Variants in SERGEF observed in about 807,000 individuals in gnomAD.
SERGEF encodes the protein secretion-regulating guanine nucleotide exchange factor.
Under a neutral mutation model 50.0 loss-of-function variants are expected in SERGEF, and 51 were observed. That is an observed-to-expected ratio of 1.02 (90% CI 0.81 to 1.29). SERGEF has a LOEUF of 1.29. Ranked by LOEUF, SERGEF falls within the 50% of genes most tolerant of loss-of-function variation. SERGEF has a pLI of 0.00. For missense variants in SERGEF, 521 were observed against 557.0 expected, an observed-to-expected ratio of 0.94 and a Z score of 0.65; for synonymous variants, 205 against 212.4, an observed-to-expected ratio of 0.97 and a Z score of 0.30.
At chr11:18,011,479 C>T (rs1189532751) in intron 1 of SERGEF, among the ~76,000 whole-genome samples, 1 of 152,192 alleles carries the variant, frequency 6.6e-6, no homozygotes, top group African/African-American at 2.4e-5. Context: ...ACCAAACCTA[C>T]TCACACCTTG....
chr11:17,944,169 C>T (rs751092483), intron 9 of SERGEF, among the ~76,000 whole-genome samples: 21 of 152,082 alleles, frequency 1.4e-4, no homozygotes, highest in Non-Finnish European at 2.5e-4. Flanking sequence ...CCTCATGATC[C>T]GCCCGCCTCG....
intron 10 of SERGEF, among the ~76,000 whole-genome samples, chr11:17,805,008 A>G (rs1318370523): frequency 6.6e-6 from 1 of 152,232 alleles, no homozygotes; most frequent in African/African-American, 2.4e-5. Context: ...TACTTTCATA[A>G]CAAAAAAAGT....
At chr11:17,900,719 C>T (rs917536031) in intron 9 of SERGEF, among the ~76,000 whole-genome samples, 47 of 152,254 alleles carry the variant, frequency 3.1e-4, no homozygotes, top group Non-Finnish European at 5.9e-5. Flanking sequence ...GTTATAACCA[C>T]CAGGTGCTCA....
intron 9 of SERGEF, among the ~76,000 whole-genome samples, chr11:17,897,601 C>T (rs990568618): frequency 6.6e-6 from 1 of 152,172 alleles, no homozygotes; most frequent in African/African-American, 2.4e-5. Flanking sequence ...ATCTCAAAAA[C>T]CACTGTGCCG....
intron 10 of SERGEF, among the ~76,000 whole-genome samples, chr11:17,796,859 T>C (rs748194121): frequency 3.3e-5 from 5 of 152,070 alleles, no homozygotes; most frequent in Non-Finnish European, 7.4e-5. Context: ...GTGGCCCACA[T>C]TGCTTCAGAG....
intron 4 of SERGEF, among the ~76,000 whole-genome samples, chr11:18,004,014 T>A (rs1854020818): frequency 6.6e-6 from 1 of 152,270 alleles, no homozygotes; most frequent in South Asian, 2.1e-4. Flanking sequence ...TAAATAGGGC[T>A]ACTAGAAAAT....
At chr11:18,000,696 C>CA in intron 4 of SERGEF, 139 bp from the exon 5 acceptor site, 1 of 724,056 alleles carries the variant, frequency 1.4e-6, no homozygotes, top group Non-Finnish European at 2.5e-6. Context: ...CCAATATTTC[C>CA]ACCCATTAAT....
intron 9 of SERGEF, among the ~76,000 whole-genome samples, chr11:17,948,890 AGT>A (rs1285129224): frequency 7.2e-5 from 11 of 152,244 alleles, no homozygotes; most frequent in Non-Finnish European, 1.5e-4. Flanking sequence ...AGTCTCCCTG[AGT>A]CTTGGATGAC....
intron 9 of SERGEF, among the ~76,000 whole-genome samples, chr11:17,909,341 T>C (rs1490079552): frequency 6.6e-6 from 1 of 152,232 alleles, no homozygotes; most frequent in East Asian, 1.9e-4. Context: ...CTCTTCTGTT[T>C]GAAGGAATCC....
intron 5 of SERGEF, among the ~76,000 whole-genome samples, chr11:17,996,673 C>CCTATAAACAGCAGTCCTTTTTAAGG: frequency 2.0e-5 from 3 of 152,148 alleles, no homozygotes; most frequent in Non-Finnish European, 4.4e-5. Flanking sequence ...TTGGGAGTAT[C>CCTATAAACAGCAGTCCTTTTTAAGG]CTATAAACAG....
At chr11:17,810,907 G>T (rs1849858291) in intron 10 of SERGEF, among the ~76,000 whole-genome samples, 1 of 152,138 alleles carries the variant, frequency 6.6e-6, no homozygotes. Context: ...TGAGAACAGA[G>T]ATGATACATT....
chr11:17,833,301 G>A (rs574394622), intron 10 of SERGEF, among the ~76,000 whole-genome samples: 9 of 152,336 alleles, frequency 5.9e-5, no homozygotes, highest in Admixed American at 4.6e-4. Context: ...CTTCCACATG[G>A]TGTTGAGCTT....
intron 9 of SERGEF, among the ~76,000 whole-genome samples, chr11:17,919,667 T>C (rs1852117430): frequency 6.6e-6 from 1 of 152,284 alleles, no homozygotes; most frequent in South Asian, 2.1e-4. Flanking sequence ...TTCTCCCCCA[T>C]ACTCACTCCA....
chr11:17,806,993 G>A (rs112648596), intron 10 of SERGEF, among the ~76,000 whole-genome samples: 16 of 151,942 alleles, frequency 1.1e-4, no homozygotes, highest in East Asian at 5.8e-4. Flanking sequence ...TTCTGATGCC[G>A]CATCTCTCCC....
At chr11:17,998,523 T>A (rs1265671554) in intron 5 of SERGEF, among the ~76,000 whole-genome samples, 1 of 21,138 alleles carries the variant, frequency 4.7e-5, no homozygotes, top group Non-Finnish European at 1.3e-4. Context: ...TATATATATG[T>A]TTATATGTGT....
At chr11:17,995,409 G>A (rs1030938143) in intron 6 of SERGEF, among the ~76,000 whole-genome samples, 3 of 152,188 alleles carry the variant, frequency 2.0e-5, no homozygotes, top group Non-Finnish European at 4.4e-5. Context: ...AAGTTTAGTA[G>A]GGCCAACTCT....
chr11:17,979,693 C>A (rs189575466), intron 8 of SERGEF, among the ~76,000 whole-genome samples: 1 of 152,314 alleles, frequency 6.6e-6, no homozygotes, highest in East Asian at 1.9e-4. Flanking sequence ...ATACCCTTGG[C>A]TCTGTCTGCA....
At chr11:17,998,429 A>T (rs1853882441) in intron 5 of SERGEF, among the ~76,000 whole-genome samples, 2 of 12,708 alleles carry the variant, frequency 1.6e-4, no homozygotes, top group Admixed American at 1.1e-3. Flanking sequence ...AAATACATAC[A>T]TACATACATA....
intron 10 of SERGEF, among the ~76,000 whole-genome samples, chr11:17,834,622 T>C (rs1468911631): frequency 6.6e-6 from 1 of 152,212 alleles, no homozygotes; most frequent in African/African-American, 2.4e-5. Flanking sequence ...CCTAACCTTT[T>C]CTAAGCCTGT....
Sources: gnomAD v4.1 joint callset for allele counts (sites outside exome capture counted in the v4.1 genomes callset) on GRCh38, gnomAD v4.1.1 for gene constraint, MANE v1.5 for transcripts, NCBI Gene and HGNC (gene_info 2026-07-23, HGNC 2026-07-21) for gene names.